The following MTCL3 variants were observed in gnomAD, a reference collection of about 807,000 sequenced individuals.
MTCL3 encodes the protein MTCL family member 3, also known as microtubule cross-linking factor 3.
At chr6:127,503,153 A>AG in the MTCL3 span, among the ~76,000 whole-genome samples, 6 of 152,250 alleles carry the variant, frequency 3.9e-5, no homozygotes, top group East Asian at 1.2e-3. Flanking sequence ...GTGGCAGTGG[A>AG]GGGGCAGCCT....
the MTCL3 span, among the ~76,000 whole-genome samples, chr6:127,507,866 A>G: frequency 5.0e-3 from 756 of 150,014 alleles, 3 homozygotes; most frequent in African/African-American, 0.017. Flanking sequence ...AAAAAAAAAA[A>G]AAAAGAAAAA....
the MTCL3 span, chr6:127,516,189 C>T: frequency 5.8e-5 from 83 of 1,431,214 alleles, no homozygotes; most frequent in African/African-American, 1.1e-3. Flanking sequence ...GCTCCTCGGG[C>T]GGTCCGGGCC....
the MTCL3 span, among the ~76,000 whole-genome samples, chr6:127,493,127 CTTTG>C: frequency 3.9e-5 from 6 of 152,112 alleles, no homozygotes; most frequent in Admixed American, 3.3e-4. Context: ...TTTTAGCAAA[CTTTG>C]TTTATCATTC....
At chr6:127,515,753 T>C in the MTCL3 span, 1 of 1,600,570 alleles carries the variant, frequency 6.2e-7, no homozygotes, top group Non-Finnish European at 8.5e-7. The surrounding 1 kb of genome is among the most constrained non-coding windows in gnomAD (Gnocchi z 4.3). Context: ...GAGCTGCGGC[T>C]ACTGCTGCCG....
the MTCL3 span, among the ~76,000 whole-genome samples, chr6:127,507,894 A>G: frequency 6.6e-6 from 1 of 151,386 alleles, no homozygotes; most frequent in Non-Finnish European, 1.5e-5. Flanking sequence ...TTCATAACAC[A>G]TGGCAACTTC....
chr6:127,473,055 AC>A, the MTCL3 span: 1 of 1,079,734 alleles, frequency 9.3e-7, no homozygotes, highest in African/African-American at 1.6e-5. Flanking sequence ...AACAATTCAT[AC>A]AGAAAAATGT....
the MTCL3 span, among the ~76,000 whole-genome samples, chr6:127,486,604 C>T: frequency 3.3e-5 from 5 of 152,152 alleles, no homozygotes; most frequent in Non-Finnish European, 7.3e-5. Context: ...AAAGCAGGCA[C>T]TTCTCTAGAT....
chr6:127,503,997 A>G, the MTCL3 span, among the ~76,000 whole-genome samples: 1 of 152,196 alleles, frequency 6.6e-6, no homozygotes, highest in Admixed American at 6.5e-5. Flanking sequence ...ACAGTTAATA[A>G]CATGGACTTG....
the MTCL3 span, chr6:127,475,467 G>A: frequency 6.2e-7 from 1 of 1,613,324 alleles, no homozygotes; most frequent in South Asian, 1.1e-5. This position sits in a 1 kb window ranked among gnomAD's most constrained non-coding sequence, Gnocchi z 7.3. Flanking sequence ...CCATGAGTCC[G>A]AACAGGTCCC....
the MTCL3 span, chr6:127,515,481 C>A: frequency 1.4e-6 from 2 of 1,406,460 alleles, no homozygotes; most frequent in Non-Finnish European, 1.8e-6. This position sits in a 1 kb window ranked among gnomAD's most constrained non-coding sequence, Gnocchi z 4.3. Context: ...CCACTCTTCC[C>A]ATCCCCCAGC....
At chr6:127,496,394 T>A in the MTCL3 span, among the ~76,000 whole-genome samples, 18 of 151,102 alleles carry the variant, frequency 1.2e-4, no homozygotes, top group African/African-American at 2.7e-4. Context: ...TCTGAGAAAA[T>A]TTTTTTTTAA....
chr6:127,487,738 G>C, the MTCL3 span, among the ~76,000 whole-genome samples: 6 of 152,326 alleles, frequency 3.9e-5, 1 homozygote, highest in South Asian at 8.3e-4. Context: ...TGTGGGTGAA[G>C]AAGAGGCACA....
At chr6:127,515,799 C>CGCCGCT in the MTCL3 span, 13 of 1,608,986 alleles carry the variant, frequency 8.1e-6, no homozygotes, top group Middle Eastern at 1.7e-4. The surrounding 1 kb of genome is among the most constrained non-coding windows in gnomAD (Gnocchi z 4.3). Flanking sequence ...CCGCGGCCGC[C>CGCCGCT]GCCGCTGCCG....
the MTCL3 span, among the ~76,000 whole-genome samples, chr6:127,490,634 C>T: frequency 3.9e-5 from 6 of 151,914 alleles, no homozygotes; most frequent in South Asian, 8.3e-4. Flanking sequence ...CTGGCCAACA[C>T]GGTGAAACTC....
At chr6:127,475,716 G>T in the MTCL3 span, 3 of 1,588,482 alleles carry the variant, frequency 1.9e-6, no homozygotes, top group Non-Finnish European at 2.6e-6. This position sits in a 1 kb window ranked among gnomAD's most constrained non-coding sequence, Gnocchi z 7.3. Context: ...CGCGCTTGCG[G>T]TGCGGAGGCC....
the MTCL3 span, among the ~76,000 whole-genome samples, chr6:127,498,839 T>C: frequency 6.6e-6 from 1 of 152,204 alleles, no homozygotes; most frequent in Non-Finnish European, 1.5e-5. Flanking sequence ...TATTTTATTA[T>C]TGTAATTATA....
the MTCL3 span, among the ~76,000 whole-genome samples, chr6:127,490,083 T>C: frequency 6.6e-6 from 1 of 152,218 alleles, no homozygotes; most frequent in Non-Finnish European, 1.5e-5. Context: ...CCAATGCTCA[T>C]TTACCATTCT....
the MTCL3 span, among the ~76,000 whole-genome samples, chr6:127,498,638 T>C: frequency 6.6e-6 from 1 of 152,278 alleles, no homozygotes; most frequent in South Asian, 2.1e-4. Flanking sequence ...TGTGTGTTTA[T>C]AACAGCATTA....
chr6:127,512,842 T>TTAA, the MTCL3 span: 1 of 1,522,940 alleles, frequency 6.6e-7, no homozygotes, highest in Non-Finnish European at 8.8e-7. Flanking sequence ...GGATTCTTTT[T>TTAA]TAAAGGGCTA....
Sources: allele counts gnomAD v4.1 joint callset (sites outside exome capture counted in the v4.1 genomes callset), GRCh38; gene constraint gnomAD v4.1.1; non-coding constraint Gnocchi (gnomAD v3.1); transcripts MANE v1.5; gene names NCBI Gene and HGNC (gene_info 2026-07-23, HGNC 2026-07-21).